Variants in PDE4D observed in about 807,000 individuals in gnomAD.
PDE4D encodes 3',5'-cyclic-AMP phosphodiesterase 4D.
PDE4D carries 24 observed loss-of-function variants against 87.4 expected under a neutral mutation model. That is an observed-to-expected ratio of 0.27 (90% CI 0.20 to 0.39). PDE4D has a LOEUF of 0.39. PDE4D is among the 10% of genes least tolerant of loss of function. PDE4D has a pLI of 1.00. For synonymous variants in PDE4D, 384 were observed against 383.2 expected (o/e 1.00, Z -0.02); for missense variants, 714 against 1,041.0 (o/e 0.69, Z 4.32).
intron 1 of PDE4D, among the ~76,000 whole-genome samples, chr5:59,771,510 G>GA (rs1561638129): frequency 4.4e-5 from 6 of 137,568 alleles, no homozygotes; most frequent in African/African-American, 1.8e-4. Flanking sequence ...AAGAAAGAAA[G>GA]AAAGAAAGAA....
At chr5:60,476,261 G>A (rs890644926) in intron 1 of PDE4D, among the ~76,000 whole-genome samples, 4 of 152,128 alleles carry the variant, frequency 2.6e-5, no homozygotes, top group East Asian at 1.9e-4. Flanking sequence ...AGATGTCACC[G>A]GAAGTCTGTT....
At chr5:60,129,043 T>G (rs1161670111) in intron 2 of PDE4D, among the ~76,000 whole-genome samples, 2 of 152,232 alleles carry the variant, frequency 1.3e-5, no homozygotes, top group African/African-American at 4.8e-5. Context: ...ACTCAAATTT[T>G]GTCATCAATA....
intron 1 of PDE4D, among the ~76,000 whole-genome samples, chr5:59,490,335 A>G (rs1805958836): frequency 1.3e-5 from 2 of 152,300 alleles, no homozygotes; most frequent in African/African-American, 4.8e-5. Context: ...AGGTGACCAT[A>G]GCAAATAAGT....
intron 1 of PDE4D, among the ~76,000 whole-genome samples, chr5:59,836,742 G>C (rs1742171810): frequency 6.6e-6 from 1 of 151,920 alleles, no homozygotes. Flanking sequence ...TAGAGATAGA[G>C]CAAAAGGAGA....
chr5:60,325,579 T>C (rs1211345420), intron 1 of PDE4D, among the ~76,000 whole-genome samples: 1 of 152,204 alleles, frequency 6.6e-6, no homozygotes, highest in Non-Finnish European at 1.5e-5. Flanking sequence ...TACATAGAAC[T>C]TTCCCTGACT....
In PDE4D at chr5:58,970,849, G is replaced by GA. The variant is rs1742481513; in HGVS notation, c.*3814dup. On this transcript the variant is annotated 3_prime_UTR_variant, in exon 15 of 15. Transcript: ENST00000340635. ...AGAAGCCAAAAGGACTTAAAAAAAA[G>GA]AAAAAGATTGTTTATAATCACTGGG... 1 of 145,238 alleles carries GA rather than the reference G, an allele frequency of 6.9e-6. No individual in the cohort carries two copies. Among genetic ancestry groups the GA allele is most frequent in the African/African-American group, 2.6e-5 (1 of 39,042 alleles). The allele number at this position is 145,238 out of a possible 1,614,324, so 9.0% of individuals were successfully genotyped here. A position where few individuals can be genotyped will look rare whatever the true frequency, so the allele number is the denominator to read the frequency against.
chr5:59,922,673 G>A (rs1412825276), intron 3 of PDE4D, among the ~76,000 whole-genome samples: 1 of 152,092 alleles, frequency 6.6e-6, no homozygotes, highest in African/African-American at 2.4e-5. Context: ...TGACTAAAGA[G>A]CCCTTGGCCC....
chr5:59,552,511 T>C (rs552194451), intron 1 of PDE4D, among the ~76,000 whole-genome samples: 6 of 152,248 alleles, frequency 3.9e-5, no homozygotes, highest in African/African-American at 1.4e-4. Flanking sequence ...TTATGTTACG[T>C]CTTATTGCTT....
intron 6 of PDE4D, among the ~76,000 whole-genome samples, chr5:59,017,095 G>C (rs1025877216): frequency 2.0e-5 from 3 of 152,172 alleles, no homozygotes; most frequent in Admixed American, 2.0e-4. Flanking sequence ...GAGTAACACA[G>C]CCAGTCTGAG....
At chr5:59,382,412 C>T (rs1318281180) in intron 1 of PDE4D, among the ~76,000 whole-genome samples, 1 of 152,102 alleles carries the variant, frequency 6.6e-6, no homozygotes, top group Non-Finnish European at 1.5e-5. Context: ...CCAAACTTAC[C>T]TGCAAAAGAA....
chr5:60,059,478 G>C (rs909056698), intron 2 of PDE4D, among the ~76,000 whole-genome samples: 2 of 151,998 alleles, frequency 1.3e-5, no homozygotes, highest in Admixed American at 6.6e-5. Flanking sequence ...AACTGAAAGA[G>C]AGTCATGAGA....
intron 1 of PDE4D, among the ~76,000 whole-genome samples, chr5:59,631,990 T>C (rs1831639639): frequency 6.6e-6 from 1 of 152,172 alleles, no homozygotes; most frequent in Non-Finnish European, 1.5e-5. Context: ...TAAGATACAC[T>C]GGCTTGAAAT....
chr5:59,554,001 T>C (rs1484921261), intron 1 of PDE4D, among the ~76,000 whole-genome samples: 1 of 152,148 alleles, frequency 6.6e-6, no homozygotes, highest in Non-Finnish European at 1.5e-5. Context: ...CTAGATGTTA[T>C]ACACATTAGC....
upstream of PDE4D, among the ~76,000 whole-genome samples, chr5:60,488,736 G>A (rs936065871): frequency 6.6e-6 from 1 of 152,076 alleles, no homozygotes; most frequent in African/African-American, 2.4e-5. Context: ...GACAGGACAG[G>A]GATGGGTTTC....
intron 1 of PDE4D, among the ~76,000 whole-genome samples, chr5:60,381,158 A>G (rs1200677185): frequency 2.6e-5 from 4 of 152,226 alleles, no homozygotes; most frequent in African/African-American, 9.6e-5. Context: ...AATGTGATGC[A>G]TGATGGCTGC....
chr5:59,168,858 T>C (rs1782301272), intron 5 of PDE4D, among the ~76,000 whole-genome samples: 1 of 152,204 alleles, frequency 6.6e-6, no homozygotes, highest in Admixed American at 6.5e-5. Flanking sequence ...TTTCTACCTA[T>C]GTATCTTAAT....
intron 6 of PDE4D, among the ~76,000 whole-genome samples, chr5:59,018,132 A>G (rs1304008970): frequency 6.6e-6 from 1 of 152,244 alleles, no homozygotes; most frequent in African/African-American, 2.4e-5. Flanking sequence ...GAAACTTGTT[A>G]TAAGGAAAGC....
At chr5:60,274,516 A>G (rs1433643513) in intron 1 of PDE4D, among the ~76,000 whole-genome samples, 1 of 151,992 alleles carries the variant, frequency 6.6e-6, no homozygotes, top group African/African-American at 2.4e-5. Flanking sequence ...ATGTGCCACC[A>G]CGCCCAGCTA....
intron 2 of PDE4D, among the ~76,000 whole-genome samples, chr5:60,050,015 G>A (rs1045186257): frequency 3.3e-5 from 5 of 152,194 alleles, no homozygotes; most frequent in Non-Finnish European, 7.3e-5. Context: ...AGCAATCAGC[G>A]AGACTCTGTT....
Sources: allele counts gnomAD v4.1 joint callset (sites outside exome capture counted in the v4.1 genomes callset), GRCh38; gene constraint gnomAD v4.1.1; transcripts MANE v1.5; gene names NCBI Gene and HGNC (gene_info 2026-07-23, HGNC 2026-07-21).